Variants in PAK5 observed in about 807,000 individuals in gnomAD.
The protein encoded by PAK5 is p21 (RAC1) activated kinase 5, also known as serine/threonine-protein kinase PAK 5.
A neutral mutation model predicts 65.9 loss-of-function variants in PAK5; 16 were observed. The ratio of observed to expected loss-of-function variants is 0.24; its 90% confidence interval spans 0.16 to 0.37. The LOEUF (loss-of-function observed/expected upper bound fraction) is 0.37, where lower values mean the gene tolerates loss of function less well. PAK5 is among the 10% of genes least tolerant of loss of function. The probability of loss-of-function intolerance (pLI) is 1.00; values close to 1 mark genes in which losing one functional copy is unlikely to be tolerated. For missense variants in PAK5, 785 were observed against 903.9 expected, an observed-to-expected ratio of 0.87 and a Z score of 1.69; for synonymous variants, 371 against 354.9, an observed-to-expected ratio of 1.05 and a Z score of -0.51.
intron 7 of PAK5, among the ~76,000 whole-genome samples, chr20:9,552,282 T>C (rs1040449707): frequency 6.6e-6 from 1 of 152,242 alleles, no homozygotes; most frequent in African/African-American, 2.4e-5. Flanking sequence ...AATGAATTTG[T>C]CAAAGTCAGT....
intron 1 of PAK5, among the ~76,000 whole-genome samples, chr20:9,834,989 C>T (rs2123794703): frequency 6.6e-6 from 1 of 152,242 alleles, no homozygotes; most frequent in South Asian, 2.1e-4. Flanking sequence ...TGACTCAATT[C>T]TTAACTTCTA....
intron 7 of PAK5, among the ~76,000 whole-genome samples, chr20:9,545,428 G>A (rs1455040357): frequency 6.6e-6 from 1 of 152,190 alleles, no homozygotes; most frequent in Admixed American, 6.5e-5. Context: ...GCCACTTAGA[G>A]TTGTTGGTGA....
chr20:9,664,064 T>C (rs1164638988), intron 2 of PAK5, among the ~76,000 whole-genome samples: 2 of 152,188 alleles, frequency 1.3e-5, no homozygotes, highest in African/African-American at 2.4e-5. Context: ...TTTTACCTCA[T>C]GATGGGGGAT....
chr20:9,748,185 G>A (rs2048530998), intron 1 of PAK5, among the ~76,000 whole-genome samples: 1 of 152,126 alleles, frequency 6.6e-6, no homozygotes, highest in Non-Finnish European at 1.5e-5. Context: ...TGAAATAAAA[G>A]AGGATACAAA....
At chr20:9,597,022 C>T (rs185250629) in intron 3 of PAK5, among the ~76,000 whole-genome samples, 53 of 152,302 alleles carry the variant, frequency 3.5e-4, no homozygotes, top group Admixed American at 3.1e-3. Context: ...ATTGTGTTCC[C>T]TTGGTGGCTG....
chr20:9,687,823 A>G (rs1188643459), intron 2 of PAK5, among the ~76,000 whole-genome samples: 1 of 152,164 alleles, frequency 6.6e-6, no homozygotes, highest in Non-Finnish European at 1.5e-5. Context: ...TACCTGAAAA[A>G]GCAATGATCT....
At chr20:9,693,747 G>A (rs964880637) in intron 2 of PAK5, among the ~76,000 whole-genome samples, 1 of 152,020 alleles carries the variant, frequency 6.6e-6, no homozygotes, top group Non-Finnish European at 1.5e-5. Context: ...ATAAAGATAC[G>A]CATTACGACC....
rs2045193577 is a variant in PAK5, at chr20:9,537,734, T to G, written c.*1728A>C. 4.5e-6 allele frequency: 1 copy of G among 221,380 alleles called. No individual in the cohort carries two copies. The highest frequency in any genetic ancestry group is 9.0e-6 in the Non-Finnish European group (1 of 110,688). The allele number at this position is 221,380 out of a possible 1,614,324, so 13.7% of individuals were successfully genotyped here. ...TTTAGATTGTTTTTATTCTCACATA[T>G]TTATATTAATGCTTTAATATTTTAC... On this transcript the variant is annotated 3_prime_UTR_variant, in exon 10 of 10. Coordinates refer to ENST00000353224, the MANE Select transcript of PAK5 (RefSeq NM_177990.4).
intron 1 of PAK5, among the ~76,000 whole-genome samples, chr20:9,730,316 T>C (rs189648204): frequency 4.1e-4 from 62 of 152,268 alleles, no homozygotes; most frequent in African/African-American, 1.4e-3. Flanking sequence ...TTTACTATTT[T>C]TAAACTAAAT....
Position 9,580,220 on chromosome 20 carries a change from T to C in PAK5, c.915A>G (p.Lys305=). 6.2e-7 allele frequency: 1 copy of C among 1,614,040 alleles called. No individual in the cohort carries two copies. Among genetic ancestry groups the C allele is most frequent in the Admixed American group, 1.7e-5 (1 of 60,000 alleles). ...TGTAGGAGTGTCCTTGGGGATGGGT[T>C]TTAAATGCACTTGCTCCAAATGGCA... ...PMMPFGASAF[K]THPQGHSYNS... is the part of the protein sequence containing the mutation. The change falls in exon 4 of 10, where the codon AAA becomes AAG. Residue 305 remains lysine (K), a synonymous_variant. Coordinates refer to ENST00000353224, the MANE Select transcript of PAK5 (RefSeq NM_177990.4).
Position 9,679,522 on chromosome 20 carries a change from T to A in PAK5, c.-12+31764A>T, listed in dbSNP as rs572912146. Among the ~76,000 whole-genome samples, 22 of 152,322 alleles carry A rather than the reference T, an allele frequency of 1.4e-4. No individual in the cohort carries two copies. The East Asian group carries it at 4.1e-3, about 28-fold the overall frequency. On this transcript the variant is annotated intron_variant, in intron 2 of 9. Coordinates refer to ENST00000353224, the MANE Select transcript of PAK5 (RefSeq NM_177990.4). ...GTTTCTGGATGGTAAACACCTTTTT[T>A]TTCTCATCTCCCAACTCCTGGCATA...
intron 1 of PAK5, among the ~76,000 whole-genome samples, chr20:9,819,953 G>A (rs1165601982): frequency 6.6e-6 from 1 of 152,148 alleles, no homozygotes; most frequent in Non-Finnish European, 1.5e-5. Flanking sequence ...AAGATAGCTT[G>A]CCCAAGAAAG....
chr20:9,667,443 C>A (rs1361343293), intron 2 of PAK5, among the ~76,000 whole-genome samples: 1 of 101,094 alleles, frequency 9.9e-6, no homozygotes, highest in Non-Finnish European at 1.9e-5. Context: ...GTTCAACTAC[C>A]CTGAGTATTG....
chr20:9,727,716 A>G (rs1272147645), intron 1 of PAK5, among the ~76,000 whole-genome samples: 1 of 151,922 alleles, frequency 6.6e-6, no homozygotes, highest in Non-Finnish European at 1.5e-5. Flanking sequence ...ATTTTATTCT[A>G]AGGGTTATAA....
intron 4 of PAK5, among the ~76,000 whole-genome samples, chr20:9,578,533 C>T (rs764032928): frequency 6.6e-6 from 1 of 152,264 alleles, no homozygotes; most frequent in Middle Eastern, 3.4e-3. Context: ...TGACCCCAAA[C>T]AACTCCCTAA....
At chr20:9,564,948 T>C (rs899276672) in intron 5 of PAK5, among the ~76,000 whole-genome samples, 6 of 151,808 alleles carry the variant, frequency 4.0e-5, no homozygotes, top group African/African-American at 1.4e-4. Context: ...ATTTTATTAG[T>C]ATTAATGTTA....
intron 1 of PAK5, among the ~76,000 whole-genome samples, chr20:9,750,871 C>T (rs1216586175): frequency 2.0e-5 from 3 of 152,116 alleles, no homozygotes; most frequent in African/African-American, 7.2e-5. Flanking sequence ...GGATTCTCTC[C>T]TGCTCCACTT....
intron 3 of PAK5, among the ~76,000 whole-genome samples, chr20:9,587,716 G>A (rs2046094280): frequency 6.6e-6 from 1 of 152,118 alleles, no homozygotes; most frequent in South Asian, 2.1e-4. Flanking sequence ...AAAGCTCTCA[G>A]GTGATGAGGA....
intron 2 of PAK5, among the ~76,000 whole-genome samples, chr20:9,657,696 C>T (rs79316908): frequency 3.3e-5 from 5 of 152,052 alleles, no homozygotes; most frequent in Admixed American, 2.0e-4. Flanking sequence ...CAGGCCTACT[C>T]GTGATACAGA....
Sources: allele counts gnomAD v4.1 joint callset (sites outside exome capture counted in the v4.1 genomes callset), GRCh38; gene constraint gnomAD v4.1.1; transcripts MANE v1.5; gene names NCBI Gene and HGNC (gene_info 2026-07-23, HGNC 2026-07-21).